Variants in CRISPLD2 observed in about 807,000 individuals in gnomAD.
CRISPLD2 encodes cysteine rich secretory protein LCCL domain containing 2, also known as cysteine-rich secretory protein LCCL domain-containing 2.
Under a neutral mutation model 71.1 loss-of-function variants are expected in CRISPLD2, and 47 were observed. The ratio of observed to expected loss-of-function variants is 0.66; its 90% CI spans 0.52 to 0.84. CRISPLD2 has a LOEUF of 0.84. CRISPLD2 is among the 40% of genes least tolerant of loss of function. The probability of loss-of-function intolerance (pLI) is 0.00; values close to 1 mark genes in which losing one functional copy is unlikely to be tolerated. For synonymous variants in CRISPLD2, 317 were observed against 250.1 expected (o/e 1.27, Z -2.52); for missense variants, 830 against 651.1 (o/e 1.27, Z -2.99).
intron 1 of CRISPLD2, among the ~76,000 whole-genome samples, chr16:84,828,785 T>A (rs1371780835): frequency 6.6e-6 from 1 of 152,218 alleles, no homozygotes; most frequent in Non-Finnish European, 1.5e-5. Flanking sequence ...GTTTGTTGAA[T>A]GACTATTTTC....
chr16:84,844,944 G>C (rs1018290342), intron 2 of CRISPLD2, among the ~76,000 whole-genome samples: 5 of 152,192 alleles, frequency 3.3e-5, no homozygotes, highest in Admixed American at 6.5e-5. Context: ...GTGAGGCTCA[G>C]AGAGGGTAAC....
At position 84,908,015 on chromosome 16, in the gene CRISPLD2, G is replaced by C. The variant is rs960371681; in HGVS notation, c.*1373G>C. Reference sequence around the variant, plus strand: ...ACCGGGCCAGCCAATAGATCACTTTGGTGAATGCTAGTTTCAAATTTGATT... The same window carrying C: ...ACCGGGCCAGCCAATAGATCACTTTCGTGAATGCTAGTTTCAAATTTGATT... On this transcript the variant is annotated 3_prime_UTR_variant, in exon 15 of 15. Coordinates refer to ENST00000262424, the MANE Select transcript of CRISPLD2 (RefSeq NM_031476.4). 1 of 152,166 alleles carries C rather than the reference G, an allele frequency of 6.6e-6. No individual in the cohort carries two copies. The highest frequency in any genetic ancestry group is 6.6e-5 in the Admixed American group (1 of 15,266). 9.4% of individuals were successfully genotyped at this position (152,166 alleles called of 1,614,324 possible). A position where few individuals can be genotyped will look rare whatever the true frequency, so the allele number is the denominator to read the frequency against.
At chr16:84,855,344 A>G (rs539871824) in intron 6 of CRISPLD2, among the ~76,000 whole-genome samples, 5 of 152,198 alleles carry the variant, frequency 3.3e-5, no homozygotes, top group South Asian at 4.1e-4. Context: ...AGATCCCACA[A>G]TAGGCCATCT....
chr16:84,826,328 C>T (rs36076623), intron 1 of CRISPLD2, among the ~76,000 whole-genome samples: 43,467 of 152,220 alleles, frequency 0.29, 7,725 homozygotes, highest in Non-Finnish European at 0.37. Context: ...CAGAAGAACA[C>T]TCAGCCCTTT....
chr16:84,824,183 AG>A (rs889905894), intron 1 of CRISPLD2, among the ~76,000 whole-genome samples: 30 of 151,588 alleles, frequency 2.0e-4, no homozygotes, highest in Non-Finnish European at 1.2e-4. Context: ...AAAGGCCTGC[AG>A]GTGGAGAAGG....
chr16:84,856,546 G>C (rs1031479409), intron 6 of CRISPLD2, among the ~76,000 whole-genome samples: 1 of 152,204 alleles, frequency 6.6e-6, no homozygotes. Flanking sequence ...AATTTTGCTA[G>C]TGGGTCACTA....
At chr16:84,892,724 C>A (rs1350936416) in intron 14 of CRISPLD2, among the ~76,000 whole-genome samples, 1 of 152,064 alleles carries the variant, frequency 6.6e-6, no homozygotes, top group African/African-American at 2.4e-5. Flanking sequence ...ACCTGTAATC[C>A]CAGCACTTTG....
At position 84,849,467 on chromosome 16, in the gene CRISPLD2, C is replaced by T; in HGVS notation, c.442C>T (p.Pro148Ser). 6.2e-7 allele frequency: 1 copy of T among 1,614,114 alleles called. No homozygotes were observed. The highest frequency in any genetic ancestry group is 8.5e-7 in the Non-Finnish European group (1 of 1,179,962). The change falls in exon 4 of 15, where the codon CCC (proline) becomes TCC (serine). Residue 148 changes from proline (P) to serine (S), a missense_variant. Physicochemically the swap from Pro to Ser is moderately conservative, Grantham distance 74. Transcript: ENST00000262424. ...YTYPYPSECN[P>S]WCPERCSGPM... ...CTACCCCTACCCGAGCGAGTGCAAC[C>T]CCTGGTGTCCAGAGAGGTGCTCGGG...
At chr16:84,842,655 T>C (rs1454308138) in intron 2 of CRISPLD2, among the ~76,000 whole-genome samples, 1 of 152,098 alleles carries the variant, frequency 6.6e-6, no homozygotes. Context: ...ATTACAGGCA[T>C]GAACCACTGT....
At chr16:84,897,256 C>T (rs1371995693) in intron 14 of CRISPLD2, among the ~76,000 whole-genome samples, 3 of 147,846 alleles carry the variant, frequency 2.0e-5, no homozygotes, top group Admixed American at 1.4e-4. Flanking sequence ...CCAGCTTGAC[C>T]AACAGGGTGT....
At chr16:84,855,825 C>T (rs1917224470) in intron 6 of CRISPLD2, among the ~76,000 whole-genome samples, 1 of 152,196 alleles carries the variant, frequency 6.6e-6, no homozygotes, top group African/African-American at 2.4e-5. Context: ...TGGAAACTCA[C>T]CAATCCCCAA....
rs140017472 is a variant in CRISPLD2, at chr16:84,880,740, C to G, written c.1305+156C>G. 1.8e-3 allele frequency: 986 copies of G among 546,456 alleles called. 12 individuals carry two copies. The highest frequency in any genetic ancestry group is 0.017 in the African/African-American group (906 of 53,212). 33.9% of individuals were successfully genotyped at this position (546,456 alleles called of 1,614,324 possible). A position where few individuals can be genotyped will look rare whatever the true frequency, so the allele number is the denominator to read the frequency against. ...ATTAATTTCGAGATGGAGTCTTACTCTGTTGCCCAGGCTGGAGTACAGTGG... is the reference window on the plus strand; with the variant it reads ...ATTAATTTCGAGATGGAGTCTTACTGTGTTGCCCAGGCTGGAGTACAGTGG... On this transcript the variant is annotated intron_variant, in intron 13 of 14. Coordinates refer to ENST00000262424, the MANE Select transcript of CRISPLD2 (RefSeq NM_031476.4).
At chr16:84,890,659 T>TG (rs2071653526) in intron 14 of CRISPLD2, among the ~76,000 whole-genome samples, 1 of 151,408 alleles carries the variant, frequency 6.6e-6, no homozygotes, top group African/African-American at 2.4e-5. Context: ...CCCAGCACTG[T>TG]GGGAAGCAGT....
At position 84,872,983 on chromosome 16, in the gene CRISPLD2, T is replaced by A. The variant is rs1176149850; in HGVS notation, c.982-9T>A. 4 of 1,603,040 alleles carry A rather than the reference T, an allele frequency of 2.5e-6. No homozygotes were observed. Among genetic ancestry groups the A allele is most frequent in the Non-Finnish European group, 2.6e-6 (3 of 1,175,408 alleles). ...ATGTGCCTCTGGTCTTCTCTTCCCT[T>A]CCCGCCAGTCGTCTAGCATATGCCG... is the stretch of plus-strand genomic sequence containing the variant. On this transcript the variant is annotated splice_polypyrimidine_tract_variant and intron_variant, in intron 9 of 14. Coordinates refer to ENST00000262424, the MANE Select transcript of CRISPLD2 (RefSeq NM_031476.4).
chr16:84,838,277 A>AGTC (rs1189227277), intron 1 of CRISPLD2, 145 bp from the exon 2 acceptor site: 22 of 589,332 alleles, frequency 3.7e-5, no homozygotes, highest in Admixed American at 6.1e-5. Flanking sequence ...TGTCTGTGGG[A>AGTC]CCTTGCTTGT....
intron 1 of CRISPLD2, among the ~76,000 whole-genome samples, chr16:84,829,858 G>A (rs1214336230): frequency 1.3e-5 from 2 of 152,246 alleles, no homozygotes; most frequent in African/African-American, 2.4e-5. Flanking sequence ...CAGTGCAGGA[G>A]TAGAGGGCCC....
intron 1 of CRISPLD2, among the ~76,000 whole-genome samples, chr16:84,826,289 G>A (rs912583328): frequency 6.6e-6 from 1 of 152,230 alleles, no homozygotes; most frequent in Non-Finnish European, 1.5e-5. Context: ...TTAAGAACAA[G>A]TTGTTGGCAT....
At chr16:84,894,022 A>T (rs372747253) in intron 14 of CRISPLD2, among the ~76,000 whole-genome samples, 3 of 152,140 alleles carry the variant, frequency 2.0e-5, no homozygotes, top group Admixed American at 6.5e-5. Context: ...CAAACCACCA[A>T]AACCCCCAAA....
At chr16:84,847,291 C>T (rs755656044) in intron 3 of CRISPLD2, among the ~76,000 whole-genome samples, 17 of 152,164 alleles carry the variant, frequency 1.1e-4, no homozygotes, top group East Asian at 1.9e-4. Context: ...GTGGATCGAC[C>T]GCGGTGACTT....
Sources: gnomAD v4.1 joint callset for allele counts (sites outside exome capture counted in the v4.1 genomes callset) on GRCh38, gnomAD v4.1.1 for gene constraint, MANE v1.5 for transcripts, NCBI Gene and HGNC (gene_info 2026-07-23, HGNC 2026-07-21) for gene names.